NLRC3: variants seen among roughly 807,000 people sequenced by gnomAD.
NLRC3 encodes the protein NLR family CARD domain-containing protein 3.
NLRC3 carries 87 observed loss-of-function variants against 91.6 expected under a neutral mutation model. The observed-to-expected ratio is 0.95, with a 90% CI of 0.80 to 1.14. The LOEUF (loss-of-function observed/expected upper bound fraction) is 1.14, where lower values mean the gene tolerates loss of function less well. Among genes scored for constraint, NLRC3 ranks in the 50% most tolerant of loss-of-function variants. NLRC3 has a pLI of 0.00. For synonymous variants in NLRC3, 694 were observed against 625.3 expected (o/e 1.11, Z -1.64); for missense variants, 1,577 against 1,418.6 (o/e 1.11, Z -1.79).
intron 14 of NLRC3, 51 bp downstream of exon 14, chr16:3,548,619 C>T (rs1032909207): frequency 4.4e-6 from 6 of 1,351,902 alleles, no homozygotes; most frequent in Non-Finnish European, 4.1e-6. Context: ...GGGTGGAGCC[C>T]GGCAGCTCTG....
chr16:3,549,127 G>T lies in NLRC3; in HGVS notation c.2603+15C>A, dbSNP rs1218595308. 2.6e-6 allele frequency: 4 copies of T among 1,549,862 alleles called. No individual in the cohort carries two copies. The Admixed American group carries it at 5.7e-5, about 22-fold the overall frequency. ...GCATGAACAGCCTGTGGAGTCACAG[G>T]CCCCCACCACGTACTCCAGGTTCTT... is the stretch of plus-strand genomic sequence containing the variant. On this transcript the variant is annotated intron_variant, in intron 13 of 19. Transcript: ENST00000359128.
intron 8 of NLRC3, chr16:3,555,841 CA>C (rs1434627470): frequency 2.6e-5 from 4 of 152,150 alleles, no homozygotes; most frequent in African/African-American, 9.7e-5. Context: ...CTTGGCCTCC[CA>C]AAGTGCTGGG....
At chr16:3,543,352 C>T in intron 17 of NLRC3, 73 bp downstream of exon 17, 1 of 1,035,088 alleles carries the variant, frequency 9.7e-7, no homozygotes, top group Non-Finnish European at 1.5e-6. Flanking sequence ...TAAACTTTGT[C>T]CCCATATCTA....
rs1428785168 is a variant in NLRC3 at position 3,541,881 on chromosome 16, T to C, written c.3142A>G (p.Arg1048Gly). ...GTCTTGATGGCCTCTGAGATCATCC[T>C]GGCCCCGGAGTCCCCAATGTGGTTT... ...QGNHIGDSGARMISEAIKTNA... is the reference protein window; with the variant it reads ...QGNHIGDSGAGMISEAIKTNA... The change falls in exon 20 of 20, where the codon AGG (arginine) becomes GGG (glycine). Residue 1048 changes from arginine to glycine, a missense_variant. Arg to Gly is a moderately radical substitution (Grantham distance 125). Transcript: ENST00000359128. The C allele has an allele frequency of 6.2e-7, 1 of 1,612,402 alleles. No individual in the cohort carries two copies. The highest frequency in any genetic ancestry group is 8.5e-7 in the Non-Finnish European group (1 of 1,179,046).
intron 16 of NLRC3, 62 bp from the exon 17 acceptor site, chr16:3,543,570 G>T: frequency 2.7e-6 from 3 of 1,123,134 alleles, no homozygotes; most frequent in Non-Finnish European, 1.3e-6. Flanking sequence ...CGCATACTCC[G>T]TTCCCTTTCA....
intron 10 of NLRC3, among the ~76,000 whole-genome samples, chr16:3,551,543 C>G (rs919194738): frequency 2.6e-5 from 4 of 151,706 alleles, no homozygotes; most frequent in Non-Finnish European, 5.9e-5. Flanking sequence ...AACCATCCAT[C>G]CATCCATCCA....
intron 15 of NLRC3, among the ~76,000 whole-genome samples, chr16:3,547,387 A>G (rs911962652): frequency 6.6e-6 from 1 of 152,132 alleles, no homozygotes; most frequent in African/African-American, 2.4e-5. Context: ...TGGAGATGGT[A>G]GATTAGTGGT....
Position 3,554,251 on chromosome 16 carries a change from G to C in NLRC3, c.2258C>G (p.Ser753Cys). 1.9e-6 allele frequency: 3 copies of C among 1,611,814 alleles called. No homozygotes were observed. The highest frequency in any genetic ancestry group is 2.5e-6 in the Non-Finnish European group (3 of 1,177,934). Residue 753 changes from serine to cysteine, a missense_variant, in exon 9 of 20, where the codon TCC (serine) becomes TGC (cysteine). Coordinates refer to ENST00000359128, the MANE Select transcript of NLRC3 (RefSeq NM_178844.4). ...AGATGTGTTCACTCACTGCAGCATG[G>C]AGAGGGTCCGGTTGGAGGCCAAGGC... Reference protein sequence around the residue: ...AEALASNRTLSMLHLQKNSIG... With the variant: ...AEALASNRTLCMLHLQKNSIG...
chr16:3,548,182 C>G lies in NLRC3; in HGVS notation c.2724G>C (p.Gln908His). The G allele has an allele frequency of 6.3e-7, 1 of 1,596,470 alleles. No homozygotes were observed. Among genetic ancestry groups the G allele is most frequent in the East Asian group, 2.3e-5 (1 of 44,240 alleles). Residue 908 changes from glutamine to histidine, a missense_variant, in exon 15 of 20, where the codon CAG becomes CAC. Transcript: ENST00000359128. The stretch of plus-strand genomic sequence containing the variant: ...TGAGCTGTAGTGCTTGTCCCAGGGC[C>G]TGGGCAGCGCCGGCCTGGATGAAGT... ...QWNFIQAGAA[Q>H]ALGQALQLNR... is the part of the protein sequence containing the mutation.
intron 5 of NLRC3, 37 bp from the exon 6 acceptor site, chr16:3,561,825 C>G: frequency 1.3e-6 from 2 of 1,519,284 alleles, no homozygotes; most frequent in Middle Eastern, 1.7e-4. Context: ...GTGTCCCACC[C>G]GCCCACGGGC....
At chr16:3,572,276 T>C (rs542780398) in intron 1 of NLRC3, among the ~76,000 whole-genome samples, 1 of 152,162 alleles carries the variant, frequency 6.6e-6, no homozygotes, top group Admixed American at 6.5e-5. Context: ...ACAGACTGCA[T>C]TGGTGAGAAC....
chr16:3,550,341 T>A lies in NLRC3; in HGVS notation c.2435+73A>T, dbSNP rs867042636. ...AAATGGCCCTGGGGGACAGCCATTT[T>A]TCAGGACTGCCGGCCCACTATCTAC... On this transcript the variant is annotated intron_variant, in intron 11 of 19. Transcript: ENST00000359128. The A allele has an allele frequency of 3.4e-5, 35 of 1,017,708 alleles. No individual in the cohort carries two copies. The Middle Eastern group carries it at 2.3e-3, about 68-fold the overall frequency. The allele number at this position is 1,017,708 out of a possible 1,614,324, so 63.0% of individuals were successfully genotyped here.
chr16:3,543,452 G>A lies in NLRC3; in HGVS notation c.2912C>T (p.Ala971Val), dbSNP rs758355362. 6.8e-6 allele frequency: 11 copies of A among 1,612,736 alleles called. No homozygotes were observed. In the Admixed American group the frequency reaches 1.0e-4, roughly 15 times the overall value. Residue 971 changes from alanine (A) to valine (V), a missense_variant, in exon 17 of 20, where the codon GCT becomes GTT. Physicochemically the swap from Ala to Val is moderately conservative, Grantham distance 64 (BLOSUM62 0). Coordinates refer to ENST00000359128, the MANE Select transcript of NLRC3 (RefSeq NM_178844.4). ...SGAQVLGEAL[A>V]VNRTLEILDL... ...GAGAATCTCCAAGGTTCTGTTCACA[G>A]CCAAGGCTTCCCCTAGCACCTGGGC...
chr16:3,567,771 CAAAAAA>C (rs774868671), intron 1 of NLRC3, among the ~76,000 whole-genome samples: 3 of 38,544 alleles, frequency 7.8e-5, no homozygotes, highest in African/African-American at 2.0e-4. Flanking sequence ...GACTCCATCT[CAAAAAA>C]AAAAAAAAAA....
intron 1 of NLRC3, among the ~76,000 whole-genome samples, chr16:3,576,860 G>C (rs1019242446): frequency 4.6e-5 from 7 of 152,090 alleles, no homozygotes; most frequent in African/African-American, 1.7e-4. Context: ...AGTAGAGATG[G>C]GGTTTCACCA....
rs1396155828 is a variant in NLRC3 at position 3,540,694 on chromosome 16, T to C, written c.*1131A>G. The C allele has an allele frequency of 1.3e-5, 2 of 152,204 alleles. No homozygotes were observed. Among genetic ancestry groups the C allele is most frequent in the African/African-American group, 4.8e-5 (2 of 41,412 alleles). The allele number at this position is 152,204 out of a possible 1,614,324, so 9.4% of individuals were successfully genotyped here. A position where few individuals can be genotyped will look rare whatever the true frequency, so the allele number is the denominator to read the frequency against. On this transcript the variant is annotated 3_prime_UTR_variant, in exon 20 of 20. Transcript: ENST00000359128. ...GGTGCGTGCCTGTAGACCCAACTAC[T>C]TGGGAGGCCGAGGCAGGAGAATCAC...
At chr16:3,560,303 G>A (rs538431330) in intron 6 of NLRC3, among the ~76,000 whole-genome samples, 25 of 152,130 alleles carry the variant, frequency 1.6e-4, no homozygotes, top group African/African-American at 5.5e-4. Context: ...TGCGCCTGTA[G>A]TCCCAGCTAC....
At chr16:3,576,645 T>TTTTTC (rs55896016) in intron 1 of NLRC3, among the ~76,000 whole-genome samples, 7,747 of 152,112 alleles carry the variant, frequency 0.051, 246 homozygotes, top group Admixed American at 0.069. Flanking sequence ...AGTTACCTGT[T>TTTTTC]TTTTCTTTTC....
At chr16:3,544,531 C>A in intron 15 of NLRC3, 1 of 570,662 alleles carries the variant, frequency 1.8e-6, no homozygotes, top group Non-Finnish European at 3.2e-6. Context: ...CTGGGGCCTG[C>A]ATGAGTCTGA....
Sources: allele counts gnomAD v4.1 joint callset (sites outside exome capture counted in the v4.1 genomes callset), GRCh38; gene constraint gnomAD v4.1.1; transcripts MANE v1.5; gene names NCBI Gene and HGNC (gene_info 2026-07-23, HGNC 2026-07-21).